The following TAFA2 variants were observed in gnomAD, a reference collection of about 807,000 sequenced individuals.
TAFA2 encodes the protein chemokine-like protein TAFA-2.
Under a neutral mutation model 18.8 loss-of-function variants are expected in TAFA2, and 7 were observed. The ratio of observed to expected loss-of-function variants is 0.37; its 90% CI spans 0.21 to 0.70. The LOEUF (loss-of-function observed/expected upper bound fraction) is 0.70, where lower values mean the gene tolerates loss of function less well. Among genes scored for constraint, TAFA2 ranks in the 30% least tolerant of loss-of-function variants. The pLI, the probability that TAFA2 is intolerant of heterozygous loss-of-function variation, is 0.53. For missense variants in TAFA2, 122 were observed against 158.1 expected (o/e 0.77, Z 1.23); for synonymous variants, 60 against 54.2 (o/e 1.11, Z -0.47).
chr12:61,979,569 T>C (rs1176433893), intron 1 of TAFA2, among the ~76,000 whole-genome samples: 1 of 152,010 alleles, frequency 6.6e-6, no homozygotes, highest in East Asian at 1.9e-4. Context: ...TAAAGTATAT[T>C]CTAGCAACCC....
At chr12:62,183,060 C>G (rs1458431065) in intron 1 of TAFA2, among the ~76,000 whole-genome samples, 2 of 152,146 alleles carry the variant, frequency 1.3e-5, no homozygotes, top group Non-Finnish European at 2.9e-5. Context: ...TTGTGTCTTC[C>G]CAAAATTCAT....
At chr12:62,060,667 T>C (rs1882322688) in intron 1 of TAFA2, among the ~76,000 whole-genome samples, 1 of 152,200 alleles carries the variant, frequency 6.6e-6, no homozygotes, top group Non-Finnish European at 1.5e-5. Context: ...TTACAGGAGA[T>C]GGTAGCTTCA....
chr12:61,997,773 C>T (rs1486640289), intron 1 of TAFA2, among the ~76,000 whole-genome samples: 2 of 151,696 alleles, frequency 1.3e-5, no homozygotes, highest in Non-Finnish European at 1.5e-5. Context: ...GTGGAGGGAC[C>T]TGTTAGTTCC....
chr12:61,836,164 T>C (rs1448474343), intron 2 of TAFA2, among the ~76,000 whole-genome samples: 1 of 151,952 alleles, frequency 6.6e-6, no homozygotes, highest in Non-Finnish European at 1.5e-5. Flanking sequence ...CCAAACCTAT[T>C]TATATCAGTT....
chr12:62,130,829 G>A (rs76576305), intron 1 of TAFA2, among the ~76,000 whole-genome samples: 307 of 152,098 alleles, frequency 2.0e-3, no homozygotes, highest in African/African-American at 7.2e-3. Context: ...CAAGGGTCAA[G>A]AAAGGGAGAA....
chr12:62,126,187 G>A (rs73125820), intron 1 of TAFA2, among the ~76,000 whole-genome samples: 2,340 of 151,960 alleles, frequency 0.015, 36 homozygotes, highest in South Asian at 0.053. Flanking sequence ...TTCTCTACTC[G>A]CTGACAAGCA....
intron 1 of TAFA2, among the ~76,000 whole-genome samples, chr12:61,975,166 T>C (rs1418391807): frequency 6.6e-6 from 1 of 151,752 alleles, no homozygotes; most frequent in African/African-American, 2.4e-5. Context: ...GCACATTAAG[T>C]CTACTCTTGG....
At chr12:62,185,936 T>C (rs1427426459) in intron 1 of TAFA2, among the ~76,000 whole-genome samples, 1 of 152,198 alleles carries the variant, frequency 6.6e-6, no homozygotes, top group Non-Finnish European at 1.5e-5. Flanking sequence ...ATGGCAGAGT[T>C]TTCAGATATA....
chr12:61,890,822 C>A (rs1196739671), intron 1 of TAFA2, among the ~76,000 whole-genome samples: 1 of 152,138 alleles, frequency 6.6e-6, no homozygotes, highest in Non-Finnish European at 1.5e-5. Flanking sequence ...CAGTGTTTTC[C>A]TTGGTGCTGA....
intron 2 of TAFA2, among the ~76,000 whole-genome samples, chr12:61,820,445 T>C (rs947508117): frequency 1.3e-5 from 2 of 151,938 alleles, no homozygotes; most frequent in African/African-American, 4.8e-5. Flanking sequence ...CGTATGTAAC[T>C]ATCTATCTGC....
At chr12:61,756,837 T>C (rs1412392150) in intron 2 of TAFA2, among the ~76,000 whole-genome samples, 3 of 152,014 alleles carry the variant, frequency 2.0e-5, no homozygotes, top group African/African-American at 7.2e-5. Flanking sequence ...GTCTCTAATA[T>C]GAAGATCTAA....
At chr12:62,179,979 A>G (rs2062541005) in intron 1 of TAFA2, among the ~76,000 whole-genome samples, 1 of 152,162 alleles carries the variant, frequency 6.6e-6, no homozygotes, top group Admixed American at 6.5e-5. Flanking sequence ...TGCAAAGTAA[A>G]ATATTAGCTA....
At chr12:62,126,789 G>C (rs1466672090) in intron 1 of TAFA2, among the ~76,000 whole-genome samples, 1 of 152,054 alleles carries the variant, frequency 6.6e-6, no homozygotes, top group African/African-American at 2.4e-5. Context: ...TACAGGCCAG[G>C]TATAAACTTA....
At chr12:62,234,555 T>C in intron 1 of TAFA2, 2 of 832,166 alleles carry the variant, frequency 2.4e-6, no homozygotes, top group South Asian at 2.6e-5. Flanking sequence ...ACGTATGTCA[T>C]CTACGCTCAT....
rs188421486 is a variant in TAFA2, at chr12:62,240,376, G to T, written c.-130+18387C>A. ...AGAGATTGCAGTGAGCCGAGATAGC[G>T]CTATGGCACTCCAGCCTGGGTGACA... On this transcript the variant is annotated intron_variant, in intron 1 of 5. Transcript: ENST00000551619. Among the ~76,000 whole-genome samples, 979 of 151,276 alleles carry T rather than the reference G, an allele frequency of 6.5e-3. 9 individuals are homozygous for T. Among genetic ancestry groups the T allele is most frequent in the Admixed American group, 0.01 (156 of 15,210 alleles).
Position 61,845,617 on chromosome 12 carries a change from AT to A in TAFA2, c.106+21702del, listed in dbSNP as rs887454081. ...TTTGAGAGAAGTTCAGATTTGAGAC[AT>A]TTTTTTAATCCCCTAGAGGTAAGCA... is the stretch of plus-strand genomic sequence containing the variant. On this transcript the variant is annotated intron_variant, in intron 2 of 4. Transcript: ENST00000416284. Among the ~76,000 whole-genome samples the A allele has an allele frequency of 2.0e-5, 3 of 152,258 alleles. No homozygotes were observed. The East Asian group carries it at 5.8e-4, about 29-fold the overall frequency.
chr12:62,082,857 A>G (rs1243874140), intron 1 of TAFA2, among the ~76,000 whole-genome samples: 1 of 152,222 alleles, frequency 6.6e-6, no homozygotes, highest in Non-Finnish European at 1.5e-5. Flanking sequence ...GTCATTCACA[A>G]AAAAGGAAAC....
At chr12:62,246,707 T>G (rs2062888058) in intron 1 of TAFA2, among the ~76,000 whole-genome samples, 1 of 152,210 alleles carries the variant, frequency 6.6e-6, no homozygotes, top group East Asian at 1.9e-4. Flanking sequence ...TTTTTACCAT[T>G]AGTGACTTTT....
intron 1 of TAFA2, among the ~76,000 whole-genome samples, chr12:61,894,546 A>T (rs931206510): frequency 3.3e-5 from 5 of 152,196 alleles, no homozygotes; most frequent in African/African-American, 4.8e-5. Flanking sequence ...TTAAAAATAG[A>T]TATAGTATCT....
Sources: allele counts gnomAD v4.1 joint callset (sites outside exome capture counted in the v4.1 genomes callset), GRCh38; gene constraint gnomAD v4.1.1; transcripts MANE v1.5; gene names NCBI Gene and HGNC (gene_info 2026-07-23, HGNC 2026-07-21).